MGAT4C: variants seen among roughly 807,000 people sequenced by gnomAD.
MGAT4C encodes the protein alpha-1,3-mannosyl-glycoprotein 4-beta-N-acetylglucosaminyltransferase C.
A neutral mutation model predicts 40.1 loss-of-function variants in MGAT4C; 19 were observed. The ratio of observed to expected loss-of-function variants is 0.47; its 90% CI spans 0.33 to 0.70. The LOEUF is 0.70. MGAT4C is among the 30% of genes least tolerant of loss of function. The pLI is 0.02. For synonymous variants in MGAT4C, 181 were observed against 187.1 expected, an observed-to-expected ratio of 0.97 and a Z score of 0.27; for missense variants, 491 against 563.2, an observed-to-expected ratio of 0.87 and a Z score of 1.30.
chr12:86,375,128 A>C (rs1025243375), intron 3 of MGAT4C, among the ~76,000 whole-genome samples: 1 of 152,184 alleles, frequency 6.6e-6, no homozygotes, highest in Non-Finnish European at 1.5e-5. Context: ...AATTTAAAAA[A>C]ACAGTGAGTG....
Position 86,361,959 on chromosome 12 carries a change from C to T in MGAT4C, c.-119-27832G>A, listed in dbSNP as rs925249790. The stretch of plus-strand genomic sequence containing the variant: ...CTCAAGGATCTAGAACTAGAAATAC[C>T]ATTTGATCCAGCCATCCCATTACTG... On this transcript the variant is annotated intron_variant, in intron 3 of 7. Transcript: ENST00000548651. Among the ~76,000 whole-genome samples the T allele has an allele frequency of 6.5e-4, 99 of 152,158 alleles. 1 individual carries two copies. Among genetic ancestry groups the T allele is most frequent in the African/African-American group, 2.1e-3 (85 of 41,432 alleles).
intron 2 of MGAT4C, among the ~76,000 whole-genome samples, chr12:86,031,025 T>C (rs763974201): frequency 2.6e-5 from 4 of 151,776 alleles, no homozygotes; most frequent in Non-Finnish European, 5.9e-5. Context: ...ATGGGAGTAG[T>C]AGCATGTTGG....
intron 1 of MGAT4C, among the ~76,000 whole-genome samples, chr12:86,183,200 T>A (rs531445784): frequency 6.6e-6 from 1 of 152,308 alleles, no homozygotes; most frequent in South Asian, 2.1e-4. Flanking sequence ...ATTTTTCATA[T>A]TATTGTGTTT....
intron 2 of MGAT4C, among the ~76,000 whole-genome samples, chr12:86,002,867 C>T (rs1169966664): frequency 6.6e-6 from 1 of 152,026 alleles, no homozygotes; most frequent in South Asian, 2.1e-4. Flanking sequence ...GTGGTGCAAT[C>T]ACAGCTCACT....
chr12:86,374,487 G>A (rs1320112030), intron 3 of MGAT4C, among the ~76,000 whole-genome samples: 1 of 151,966 alleles, frequency 6.6e-6, no homozygotes, highest in Non-Finnish European at 1.5e-5. Flanking sequence ...GAGTTTTCAC[G>A]GTTATACCAA....
At chr12:86,761,398 C>T (rs1342550710) in intron 1 of MGAT4C, among the ~76,000 whole-genome samples, 1 of 152,072 alleles carries the variant, frequency 6.6e-6, no homozygotes, top group East Asian at 1.9e-4. Flanking sequence ...TTCCTATTGC[C>T]ACAAAAGTAG....
chr12:86,018,393 C>T (rs1246382683), intron 2 of MGAT4C, among the ~76,000 whole-genome samples: 1 of 152,150 alleles, frequency 6.6e-6, no homozygotes, highest in East Asian at 1.9e-4. Flanking sequence ...AGAAGTGTTG[C>T]AGTCAACTCT....
At chr12:86,732,749 C>G (rs1593159310) in intron 1 of MGAT4C, among the ~76,000 whole-genome samples, 1 of 150,414 alleles carries the variant, frequency 6.6e-6, no homozygotes, top group African/African-American at 2.5e-5. Context: ...GGCCATGGAC[C>G]AGTATTGATC....
intron 2 of MGAT4C, among the ~76,000 whole-genome samples, chr12:86,612,917 C>T (rs1962334291): frequency 6.6e-6 from 1 of 152,056 alleles, no homozygotes; most frequent in Non-Finnish European, 1.5e-5. Flanking sequence ...TAATGTTCTA[C>T]TTTCTAATCT....
intron 3 of MGAT4C, among the ~76,000 whole-genome samples, chr12:86,363,164 A>G (rs924113409): frequency 5.9e-5 from 9 of 152,088 alleles, no homozygotes; most frequent in African/African-American, 1.9e-4. Context: ...TATATTATCA[A>G]TATTATTAAA....
chr12:86,597,374 T>A (rs961003048), intron 2 of MGAT4C, among the ~76,000 whole-genome samples: 1 of 152,086 alleles, frequency 6.6e-6, no homozygotes, highest in Non-Finnish European at 1.5e-5. Context: ...GTAAACTTTA[T>A]AAAATTAATC....
At position 86,653,190 on chromosome 12, in the gene MGAT4C, G is replaced by A. The variant is rs151053681; in HGVS notation, c.-229+74019C>T. On this transcript the variant is annotated intron_variant, in intron 2 of 7. Coordinates refer to the MGAT4C transcript ENST00000548651. ...ATTCATTTGTATCATTGAGTTTTCA[G>A]TGTAGTCAGATTAAGTAATACAGAA... Among the ~76,000 whole-genome samples, 511 of 151,952 alleles carry A rather than the reference G, an allele frequency of 3.4e-3. 2 individuals are homozygous for A. The highest frequency in any genetic ancestry group is 0.012 in the African/African-American group (494 of 41,498).
intron 2 of MGAT4C, among the ~76,000 whole-genome samples, chr12:86,556,645 C>T (rs1301108123): frequency 6.6e-6 from 1 of 152,058 alleles, no homozygotes; most frequent in Non-Finnish European, 1.5e-5. Flanking sequence ...GTAATTATTG[C>T]TGATATTTTT....
chr12:86,534,261 C>T (rs753072678), intron 2 of MGAT4C, among the ~76,000 whole-genome samples: 16 of 152,092 alleles, frequency 1.1e-4, no homozygotes, highest in Non-Finnish European at 2.4e-4. Context: ...CCCCACACTT[C>T]TTTCTACTGA....
At chr12:86,801,206 A>G (rs953929064) in intron 1 of MGAT4C, among the ~76,000 whole-genome samples, 22 of 152,056 alleles carry the variant, frequency 1.4e-4, no homozygotes, top group African/African-American at 5.3e-4. Context: ...AGAACAGAAG[A>G]CAGCTCTCCT....
intron 2 of MGAT4C, among the ~76,000 whole-genome samples, chr12:86,667,281 C>T (rs1007288328): frequency 6.6e-6 from 1 of 152,196 alleles, no homozygotes; most frequent in African/African-American, 2.4e-5. Context: ...GGATTTGGAA[C>T]ATGCTTGTCA....
chr12:86,671,850 A>G (rs1964263074), intron 2 of MGAT4C, among the ~76,000 whole-genome samples: 1 of 152,218 alleles, frequency 6.6e-6, no homozygotes, highest in Non-Finnish European at 1.5e-5. Context: ...CAATAAAAGC[A>G]GGAGACTTTA....
chr12:86,076,962 A>C (rs1457540926), intron 1 of MGAT4C, among the ~76,000 whole-genome samples: 6 of 152,166 alleles, frequency 3.9e-5, no homozygotes, highest in Non-Finnish European at 7.3e-5. Context: ...GCACAGGAGA[A>C]AGATGTAGGC....
At chr12:86,181,825 T>G (rs1469127729) in intron 1 of MGAT4C, among the ~76,000 whole-genome samples, 2 of 152,090 alleles carry the variant, frequency 1.3e-5, no homozygotes, top group Non-Finnish European at 2.9e-5. Context: ...CAATTGATTT[T>G]TATTGATGTG....
Sources: allele counts gnomAD v4.1 joint callset (sites outside exome capture counted in the v4.1 genomes callset), GRCh38; gene constraint gnomAD v4.1.1; transcripts MANE v1.5; gene names NCBI Gene and HGNC (gene_info 2026-07-23, HGNC 2026-07-21).